EIF4G3: variants seen among roughly 807,000 people sequenced by gnomAD.
EIF4G3 encodes the protein eukaryotic translation initiation factor 4 gamma 3.
EIF4G3 carries 34 observed loss-of-function variants against 186.4 expected under a neutral mutation model. The observed-to-expected ratio is 0.18, with a 90% CI of 0.14 to 0.24. The LOEUF (loss-of-function observed/expected upper bound fraction) is 0.24. Ranked by LOEUF, EIF4G3 falls within the 10% of genes least tolerant of loss-of-function variation. The probability of loss-of-function intolerance (pLI) is 1.00; values close to 1 mark genes in which losing one functional copy is unlikely to be tolerated. For missense variants in EIF4G3, 1,536 were observed against 1,948.5 expected, an observed-to-expected ratio of 0.79 and a Z score of 3.99; for synonymous variants, 673 against 679.5, an observed-to-expected ratio of 0.99 and a Z score of 0.15.
In EIF4G3 at chr1:20,980,400, C is replaced by G. The variant is rs186454453; in HGVS notation, c.427G>C (p.Val143Leu). 6.5e-7 allele frequency: 1 copy of G among 1,544,552 alleles called. No homozygotes were observed. ...AAAGGACCTGGCCCCGGTGGTTGAA[C>G]TGGATATTGTTGGGGGGGCCCAACA... ...PYVGPPQQYP[V>L]QPPGPGPFYP... The change falls in exon 10 of 37, where the codon GTT becomes CTT. Residue 143 changes from valine to leucine, a missense_variant. By Grantham distance (32) the Val-to-Leu change is conservative. Coordinates refer to ENST00000602326, the MANE Select transcript of EIF4G3 (RefSeq NM_001391906.1).
At chr1:21,003,417 A>T (rs572697243) in intron 4 of EIF4G3, 1 of 161,404 alleles carries the variant, frequency 6.2e-6, no homozygotes, top group Non-Finnish European at 1.3e-5. Context: ...TTACCAGCTA[A>T]TGCAACACTT....
At position 20,941,719 on chromosome 1, in the gene EIF4G3, CTGGAGGAGT is replaced by C. The variant is rs760610164; in HGVS notation, c.1426_1434del (p.Thr476_Pro478del). ...ATGACTGGAGTGTGAGGAGGAGAAG[CTGGAGGAGT>C]TGGAGGAGTTGGAGGAAAGGAAGGA... On this transcript the variant is annotated inframe_deletion, in exon 14 of 37. Transcript: ENST00000602326. 3.8e-5 allele frequency: 62 copies of C among 1,611,202 alleles called. No individual in the cohort carries two copies. Among genetic ancestry groups the C allele is most frequent in the African/African-American group, 8.0e-5 (6 of 74,776 alleles).
intron 2 of EIF4G3, among the ~76,000 whole-genome samples, chr1:21,131,314 T>C (rs1432086839): frequency 2.1e-5 from 2 of 93,832 alleles, no homozygotes; most frequent in Non-Finnish European, 4.6e-5. Context: ...AACTACAACA[T>C]AGGGAAGAAA....
chr1:21,054,487 AAG>A (rs2094472189), intron 3 of EIF4G3, among the ~76,000 whole-genome samples: 1 of 152,130 alleles, frequency 6.6e-6, no homozygotes, highest in African/African-American at 2.4e-5. Context: ...AGAAAAGAAA[AAG>A]AAAAAAACAA....
Position 20,829,208 on chromosome 1 carries a change from G to A in EIF4G3, c.4126C>T (p.Leu1376Phe). 2 of 1,613,890 alleles carry A rather than the reference G, an allele frequency of 1.2e-6. No homozygotes were observed. The highest frequency in any genetic ancestry group is 1.7e-6 in the Non-Finnish European group (2 of 1,179,906). ...AACATGGGGGTCACCAGTTCAGCAA[G>A]GTACAACCAAATATGGGGAATATCA... Reference protein sequence around the residue: ...AIDIPHIWLYLAELVTPMLKE... With the variant: ...AIDIPHIWLYFAELVTPMLKE... The change falls in exon 31 of 37, where the codon CTT (leucine) becomes TTT (phenylalanine). Residue 1376 changes from leucine (L) to phenylalanine (F), a missense_variant. Coordinates refer to ENST00000602326, the MANE Select transcript of EIF4G3 (RefSeq NM_001391906.1).
intron 14 of EIF4G3, among the ~76,000 whole-genome samples, chr1:20,932,173 G>A (rs937223592): frequency 1.3e-4 from 20 of 152,092 alleles, no homozygotes; most frequent in African/African-American, 4.6e-4. Flanking sequence ...AGCTCTGCTA[G>A]CTTCAAACTT....
At chr1:21,176,625 C>T (rs1484711356) in intron 1 of EIF4G3, 97 bp downstream of exon 1, 2 of 260,442 alleles carry the variant, frequency 7.7e-6, no homozygotes. Flanking sequence ...GCAGCAGCCG[C>T]CCCGCGGGCC....
chr1:21,139,352 G>A (rs2097300221), intron 2 of EIF4G3, among the ~76,000 whole-genome samples: 2 of 152,130 alleles, frequency 1.3e-5, no homozygotes, highest in African/African-American at 4.8e-5. Context: ...AACATTGGGA[G>A]GCTGAGGCAG....
chr1:21,120,796 G>A (rs753171427), intron 2 of EIF4G3, among the ~76,000 whole-genome samples: 5 of 152,060 alleles, frequency 3.3e-5, no homozygotes, highest in East Asian at 1.9e-4. Context: ...TACTTAATAC[G>A]CATCTCAGTA....
chr1:20,912,035 T>C (rs2093306915), intron 14 of EIF4G3, among the ~76,000 whole-genome samples: 1 of 152,150 alleles, frequency 6.6e-6, no homozygotes, highest in African/African-American at 2.4e-5. Context: ...CATGCCACCA[T>C]GAGGTCAAGA....
chr1:20,944,349 T>C (rs1441845906), intron 13 of EIF4G3, among the ~76,000 whole-genome samples: 1 of 151,822 alleles, frequency 6.6e-6, no homozygotes, highest in African/African-American at 2.4e-5. Flanking sequence ...ACCTTTTGTC[T>C]ACAAAAAATT....
At chr1:21,086,999 A>C (rs544656491) in intron 3 of EIF4G3, among the ~76,000 whole-genome samples, 1 of 152,148 alleles carries the variant, frequency 6.6e-6, no homozygotes, top group South Asian at 2.1e-4. Context: ...CTCTGAAATT[A>C]TATGTAAACA....
rs1377066961 is a variant in EIF4G3 at position 21,176,272 on chromosome 1, C to A, written c.-369G>T. 2.8e-6 allele frequency: 1 copy of A among 359,636 alleles called. No individual in the cohort carries two copies. Among genetic ancestry groups the A allele is most frequent in the Non-Finnish European group, 4.8e-6 (1 of 207,678 alleles). The allele number at this position is 359,636 out of a possible 1,614,324, so 22.3% of individuals were successfully genotyped here. A position where few individuals can be genotyped will look rare whatever the true frequency, so the allele number is the denominator to read the frequency against. ...GCCGCCGCCGCCGCCGCCGCTGCTG[C>A]CGCCGCCGGGTGAGGAGGCGGTACC... is the stretch of plus-strand genomic sequence containing the variant. On this transcript the variant is annotated 5_prime_UTR_variant, in exon 2 of 37. Coordinates refer to ENST00000602326, the MANE Select transcript of EIF4G3 (RefSeq NM_001391906.1).
At chr1:21,115,732 TAAAG>T (rs1267426006) in intron 2 of EIF4G3, among the ~76,000 whole-genome samples, 1 of 152,114 alleles carries the variant, frequency 6.6e-6, no homozygotes, top group East Asian at 1.9e-4. Context: ...TTGTTGTTTT[TAAAG>T]AAACAGAGTC....
intron 3 of EIF4G3, among the ~76,000 whole-genome samples, chr1:21,088,359 G>A (rs1192022647): frequency 3.9e-5 from 6 of 152,058 alleles, no homozygotes; most frequent in Non-Finnish European, 8.8e-5. Context: ...GGCAGAGGTT[G>A]CAGTGAGCTG....
intron 2 of EIF4G3, among the ~76,000 whole-genome samples, chr1:21,126,284 G>T (rs1264993013): frequency 6.7e-6 from 1 of 149,508 alleles, no homozygotes; most frequent in African/African-American, 2.5e-5. Flanking sequence ...CCAAGACTAA[G>T]ATTTGAACCT....
At chr1:20,859,273 A>G (rs2075809866) in intron 24 of EIF4G3, among the ~76,000 whole-genome samples, 1 of 152,038 alleles carries the variant, frequency 6.6e-6, no homozygotes, top group African/African-American at 2.4e-5. Flanking sequence ...TTCCCTCTCA[A>G]TCTGGTTCAA....
rs1435904500 is a variant in EIF4G3, at chr1:21,057,248, T to C, written c.-195-6254A>G. Reference sequence around the variant, plus strand: ...GTTGTATTGTTTTAATAACCAAAAATTGGAAACAACCCAACTGTTCATTAA... The same window carrying C: ...GTTGTATTGTTTTAATAACCAAAAACTGGAAACAACCCAACTGTTCATTAA... On this transcript the variant is annotated intron_variant, in intron 3 of 36. Transcript: ENST00000602326. Among the ~76,000 whole-genome samples the C allele has an allele frequency of 9.9e-5, 15 of 152,124 alleles. No individual in the cohort carries two copies. The East Asian group carries it at 1.5e-3, about 16-fold the overall frequency.
intron 2 of EIF4G3, among the ~76,000 whole-genome samples, chr1:21,139,782 C>G (rs2097307478): frequency 1.3e-5 from 2 of 152,106 alleles, no homozygotes; most frequent in African/African-American, 4.8e-5. Context: ...CAAAAGACAG[C>G]CCTGAACACC....
Sources: allele counts gnomAD v4.1 joint callset (sites outside exome capture counted in the v4.1 genomes callset), GRCh38; gene constraint gnomAD v4.1.1; transcripts MANE v1.5; gene names NCBI Gene and HGNC (gene_info 2026-07-23, HGNC 2026-07-21).